AKR1C8: variants seen among roughly 807,000 people sequenced by gnomAD.
AKR1C8 encodes aldo-keto reductase family 1 member C8.
chr10:5,155,084 T>C, the AKR1C8 span: 1 of 152,086 alleles, frequency 6.6e-6, no homozygotes, highest in Admixed American at 6.5e-5. Context: ...GGAGTTGTGG[T>C]AGGTAAAGAG....
the AKR1C8 span, chr10:5,123,881 AG>A: frequency 6.7e-7 from 1 of 1,496,340 alleles, no homozygotes; most frequent in South Asian, 1.3e-5. Flanking sequence ...TAATATAAAA[AG>A]ATTACAGATT....
the AKR1C8 span, among the ~76,000 whole-genome samples, chr10:5,116,941 C>T: frequency 7.2e-5 from 11 of 152,172 alleles, no homozygotes; most frequent in African/African-American, 1.2e-4. Flanking sequence ...ACTTGTTGGC[C>T]GAAGATTCAT....
At chr10:5,164,562 T>C in the AKR1C8 span, among the ~76,000 whole-genome samples, 6 of 152,054 alleles carry the variant, frequency 3.9e-5, no homozygotes. Context: ...ATTTCAGATA[T>C]TTTTCTCTCT....
At chr10:5,140,955 A>ATTTT in the AKR1C8 span, among the ~76,000 whole-genome samples, 4 of 152,286 alleles carry the variant, frequency 2.6e-5, no homozygotes, top group East Asian at 7.7e-4. Context: ...ACAACAATGA[A>ATTTT]ATTTGCCTCA....
chr10:5,127,030 A>C, the AKR1C8 span, among the ~76,000 whole-genome samples: 37,831 of 152,032 alleles, frequency 0.25, 4,859 homozygotes, highest in Middle Eastern at 0.36. Flanking sequence ...TAATATGACC[A>C]AACAAGATTT....
chr10:5,178,503 G>T, the AKR1C8 span, among the ~76,000 whole-genome samples: 1 of 152,128 alleles, frequency 6.6e-6, no homozygotes, highest in Admixed American at 6.5e-5. Context: ...GGTCCGCTTG[G>T]TGCAGAGCTG....
the AKR1C8 span, among the ~76,000 whole-genome samples, chr10:5,122,540 G>A: frequency 1.6e-4 from 24 of 152,110 alleles, no homozygotes; most frequent in African/African-American, 4.1e-4. Context: ...CCACTTCCCC[G>A]GGAACTTGAT....
At chr10:5,124,698 G>A in the AKR1C8 span, among the ~76,000 whole-genome samples, 3 of 152,092 alleles carry the variant, frequency 2.0e-5, no homozygotes, top group African/African-American at 7.2e-5. Context: ...GTGGAAATAT[G>A]TTGTGGAATA....
At chr10:5,180,645 C>T in the AKR1C8 span, among the ~76,000 whole-genome samples, 15 of 152,326 alleles carry the variant, frequency 9.8e-5, no homozygotes, top group African/African-American at 3.4e-4. Flanking sequence ...TGCTCCAGTT[C>T]GAGCTTCCAG....
At chr10:5,122,815 G>A in the AKR1C8 span, among the ~76,000 whole-genome samples, 1 of 152,054 alleles carries the variant, frequency 6.6e-6, no homozygotes, top group Non-Finnish European at 1.5e-5. Flanking sequence ...TAATTATGGT[G>A]TTCTACACAT....
the AKR1C8 span, among the ~76,000 whole-genome samples, chr10:5,149,661 T>G: frequency 1.1e-4 from 16 of 152,162 alleles, no homozygotes; most frequent in African/African-American, 3.9e-4. Context: ...AAGGCACTTT[T>G]ATTGGCTTTA....
At chr10:5,132,374 T>C in the AKR1C8 span, among the ~76,000 whole-genome samples, 59,352 of 151,868 alleles carry the variant, frequency 0.39, 12,369 homozygotes, top group Non-Finnish European at 0.43. Flanking sequence ...ATCTGAGCTG[T>C]GGCTCAAAAA....
chr10:5,151,269 C>T, the AKR1C8 span, among the ~76,000 whole-genome samples: 534 of 152,250 alleles, frequency 3.5e-3, 2 homozygotes, highest in African/African-American at 0.012. Context: ...AGCCTCCAGC[C>T]GCATGACTCG....
the AKR1C8 span, among the ~76,000 whole-genome samples, chr10:5,141,801 A>G: frequency 1.4e-4 from 21 of 152,268 alleles, no homozygotes; most frequent in East Asian, 2.1e-3. Flanking sequence ...CATGCTATAA[A>G]GAGCTATGCT....
At chr10:5,145,174 T>C in the AKR1C8 span, among the ~76,000 whole-genome samples, 1 of 152,204 alleles carries the variant, frequency 6.6e-6, no homozygotes, top group Non-Finnish European at 1.5e-5. Context: ...GGATTACATT[T>C]ATTGATTTGC....
the AKR1C8 span, among the ~76,000 whole-genome samples, chr10:5,121,169 A>G: frequency 6.6e-6 from 1 of 152,198 alleles, no homozygotes; most frequent in East Asian, 1.9e-4. Flanking sequence ...CTCCCCTCCA[A>G]ACTTCTTTGT....
chr10:5,179,241 C>T, the AKR1C8 span, among the ~76,000 whole-genome samples: 3 of 152,078 alleles, frequency 2.0e-5, no homozygotes, highest in South Asian at 6.2e-4. Flanking sequence ...ACTTATGAAG[C>T]TTAGTTTGGC....
the AKR1C8 span, among the ~76,000 whole-genome samples, chr10:5,116,922 T>C: frequency 1.3e-5 from 2 of 152,210 alleles, no homozygotes; most frequent in Admixed American, 6.5e-5. Context: ...GTTAACATCA[T>C]TTTCCCACAC....
chr10:5,181,880 G>A, the AKR1C8 span, among the ~76,000 whole-genome samples: 1 of 151,880 alleles, frequency 6.6e-6, no homozygotes, highest in Non-Finnish European at 1.5e-5. Flanking sequence ...TCAACTATAA[G>A]ACTTTAACAA....
Sources: gnomAD v4.1 joint callset for allele counts (sites outside exome capture counted in the v4.1 genomes callset) on GRCh38, gnomAD v4.1.1 for gene constraint, MANE v1.5 for transcripts, NCBI Gene and HGNC (gene_info 2026-07-23, HGNC 2026-07-21) for gene names.